Variants in TSPAN3 observed in about 807,000 individuals in gnomAD.
TSPAN3 encodes the protein tetraspanin-3.
Under a neutral mutation model 31.1 loss-of-function variants are expected in TSPAN3, and 9 were observed. The observed-to-expected ratio is 0.29, with a 90% CI of 0.17 to 0.50. TSPAN3 has a LOEUF of 0.50. Ranked by LOEUF, TSPAN3 falls within the 20% of genes least tolerant of loss-of-function variation. The probability of loss-of-function intolerance (pLI) is 0.98; values close to 1 mark genes in which losing one functional copy is unlikely to be tolerated. For synonymous variants in TSPAN3, 129 were observed against 114.3 expected (o/e 1.13, Z -0.82); for missense variants, 252 against 313.5 (o/e 0.80, Z 1.48).
chr15:77,069,071 CTTCTT>C (rs1387728220), intron 1 of TSPAN3, among the ~76,000 whole-genome samples: 2 of 152,120 alleles, frequency 1.3e-5, no homozygotes, highest in Admixed American at 6.5e-5. Context: ...AAATAGTATT[CTTCTT>C]TTCATTTGTT....
At chr15:77,054,653 TAAAAC>T (rs1294854355) in intron 3 of TSPAN3, 1 of 155,390 alleles carries the variant, frequency 6.4e-6, no homozygotes, top group East Asian at 1.9e-4. Context: ...CTAAAGGAGG[TAAAAC>T]AAAGTAACTC....
intron 1 of TSPAN3, chr15:77,063,689 A>G (rs2076813511): frequency 6.6e-6 from 1 of 152,196 alleles, no homozygotes; most frequent in Admixed American, 6.5e-5. Context: ...GTTTTTCATA[A>G]TCATTATTAA....
At chr15:77,064,877 G>C (rs777598766) in intron 1 of TSPAN3, 1 of 152,202 alleles carries the variant, frequency 6.6e-6, no homozygotes, top group Non-Finnish European at 1.5e-5. Context: ...GCAGGTTCCG[G>C]TTTAAAAGTA....
At chr15:77,063,180 C>G (rs1334367854) in intron 1 of TSPAN3, among the ~76,000 whole-genome samples, 2 of 152,190 alleles carry the variant, frequency 1.3e-5, no homozygotes, top group Non-Finnish European at 2.9e-5. Flanking sequence ...CCACTTACCA[C>G]TTTTCTCAGG....
At chr15:77,057,438 A>G (rs1295521984) in intron 1 of TSPAN3, among the ~76,000 whole-genome samples, 1 of 152,248 alleles carries the variant, frequency 6.6e-6, no homozygotes, top group African/African-American at 2.4e-5. Context: ...GAAATTCAGT[A>G]AGCTTGGGGA....
intron 3 of TSPAN3, chr15:77,055,344 G>C (rs1173277743): frequency 6.5e-6 from 1 of 153,486 alleles, no homozygotes; most frequent in Non-Finnish European, 1.5e-5. Context: ...AGGACCCCTT[G>C]TTCCTCAGGA....
intron 6 of TSPAN3, among the ~76,000 whole-genome samples, chr15:77,051,958 C>T (rs2076734379): frequency 6.6e-6 from 1 of 152,106 alleles, no homozygotes; most frequent in African/African-American, 2.4e-5. Context: ...GACAGAAAAA[C>T]AAGAACTAGA....
At chr15:77,048,921 C>T (rs189526677) in intron 6 of TSPAN3, among the ~76,000 whole-genome samples, 2 of 152,168 alleles carry the variant, frequency 1.3e-5, no homozygotes, top group Admixed American at 1.3e-4. Context: ...AGAACTTTTG[C>T]ACATTAGAAA....
At chr15:77,066,364 G>T (rs994641372) in intron 1 of TSPAN3, among the ~76,000 whole-genome samples, 3 of 152,096 alleles carry the variant, frequency 2.0e-5, no homozygotes, top group African/African-American at 4.8e-5. Flanking sequence ...GAGGTCAGGA[G>T]TTCGAGACCA....
chr15:77,071,105 C>T lies in TSPAN3; in HGVS notation c.-151G>A, dbSNP rs1426161623. The stretch of plus-strand genomic sequence containing the variant: ...CGCCGTCGCGCAGCCCCGACCCCAG[C>T]AAGTGCCTCGCTCCTCCGCGCAGCC... On this transcript the variant is annotated 5_prime_UTR_variant, in exon 1 of 7. Transcript: ENST00000267970. The T allele has an allele frequency of 1.8e-5, 8 of 432,712 alleles. 1 individual carries two copies. Among genetic ancestry groups the T allele is most frequent in the Non-Finnish European group, 2.6e-5 (7 of 271,658 alleles). The allele number at this position is 432,712 out of a possible 1,614,324, so 26.8% of individuals were successfully genotyped here.
chr15:77,071,091 A>C lies in TSPAN3; in HGVS notation c.-137T>G. 1 of 483,754 alleles carries C rather than the reference A, an allele frequency of 2.1e-6. No homozygotes were observed. Among genetic ancestry groups the C allele is most frequent in the Non-Finnish European group, 3.1e-6 (1 of 320,450 alleles). 30.0% of individuals were successfully genotyped at this position (483,754 alleles called of 1,614,324 possible). ...CCCCGCAGCCCCTGCGCCGTCGCGC[A>C]GCCCCGACCCCAGCAAGTGCCTCGC... On this transcript the variant is annotated 5_prime_UTR_variant, in exon 1 of 7. Coordinates refer to ENST00000267970, the MANE Select transcript of TSPAN3 (RefSeq NM_005724.6).
chr15:77,064,874 C>T (rs2076822348), intron 1 of TSPAN3: 2 of 152,198 alleles, frequency 1.3e-5, no homozygotes, highest in South Asian at 4.1e-4. Context: ...GATGCAGGTT[C>T]CGGTTTAAAA....
rs60483848 is a variant in TSPAN3, at chr15:77,053,451, C to CAAAAAAAAAAAAAAAAAAAAAAAA, written c.433-546_433-523dup. Among the ~76,000 whole-genome samples, 13 of 50,380 alleles carry CAAAAAAAAAAAAAAAAAAAAAAAA rather than the reference C, an allele frequency of 2.6e-4. 2 individuals are homozygous for CAAAAAAAAAAAAAAAAAAAAAAAA. The highest frequency in any genetic ancestry group is 3.3e-4 in the Non-Finnish European group (10 of 30,478). The allele number at this position is 50,380 out of a possible 152,430, so 33.1% of individuals were successfully genotyped here. The stretch of plus-strand genomic sequence containing the variant: ...CAACAAGAGTGAAATTTCGCCATCT[C>CAAAAAAAAAAAAAAAAAAAAAAAA]AAAAAAAAAAAAAAAAAAAAAAAAA... On this transcript the variant is annotated intron_variant, in intron 4 of 6. Coordinates refer to ENST00000267970, the MANE Select transcript of TSPAN3 (RefSeq NM_005724.6).
chr15:77,047,658 T>C (rs939357094), intron 6 of TSPAN3, among the ~76,000 whole-genome samples: 5 of 152,220 alleles, frequency 3.3e-5, no homozygotes, highest in Non-Finnish European at 7.3e-5. Context: ...TGGTAGCATA[T>C]TGGAATAGTA....
chr15:77,055,862 A>G lies in TSPAN3; in HGVS notation c.257T>C (p.Phe86Ser). 1.2e-6 allele frequency: 2 copies of G among 1,603,788 alleles called. 1 individual carries two copies. Among genetic ancestry groups the G allele is most frequent in the South Asian group, 2.3e-5 (2 of 88,064 alleles). ...AAAAACCAAGAGCAGGATGATGACA[A>G]ACTGTAAGAAAACATGGTTTAAAAT... ...IRESRCGLAT[F>S]VIILLLVFVT... The change falls in exon 3 of 7, where the codon TTT becomes TCT. Residue 86 changes from phenylalanine to serine, a missense_variant and splice_region_variant. Transcript: ENST00000267970.
chr15:77,057,679 C>T (rs1017432688), intron 1 of TSPAN3, among the ~76,000 whole-genome samples: 19 of 152,174 alleles, frequency 1.2e-4, no homozygotes, highest in African/African-American at 4.6e-4. Flanking sequence ...TCCTACTTCC[C>T]CAGGTGCTCA....
intron 1 of TSPAN3, chr15:77,064,623 G>A (rs1485303927): frequency 6.6e-6 from 1 of 152,230 alleles, no homozygotes; most frequent in Non-Finnish European, 1.5e-5. Flanking sequence ...CAGTGGACAG[G>A]TGACTAAGAA....
Position 77,043,415 on chromosome 15 carries a change from G to A in TSPAN3, c.*3420C>T, listed in dbSNP as rs143992905. ...ACATTTCCTCCTCCTTGGACTAGAT[G>A]ATCAAAACGAACATCCCCACTGTGG... On this transcript the variant is annotated 3_prime_UTR_variant, in exon 7 of 7. Transcript: ENST00000267970. 35 of 152,304 alleles carry A rather than the reference G, an allele frequency of 2.3e-4. No individual in the cohort carries two copies. Among genetic ancestry groups the A allele is most frequent in the Admixed American group, 1.0e-3 (16 of 15,286 alleles). 9.4% of individuals were successfully genotyped at this position (152,304 alleles called of 1,614,324 possible).
In TSPAN3 at chr15:77,054,304, C is replaced by T. The variant is rs1272783800; in HGVS notation, c.331-25G>A. On this transcript the variant is annotated intron_variant, in intron 3 of 6. Coordinates refer to ENST00000267970, the MANE Select transcript of TSPAN3 (RefSeq NM_005724.6). ...CCTGAATCAGAACAAAGAATTCAGT[C>T]CCTCAAAAATACTAGTAAAAGTAAC... 8 of 1,528,404 alleles carry T rather than the reference C, an allele frequency of 5.2e-6. No individual in the cohort carries two copies. In the East Asian group the frequency reaches 6.8e-5, roughly 13 times the overall value. 94.7% of individuals were successfully genotyped at this position (1,528,404 alleles called of 1,614,324 possible).
Sources: gnomAD v4.1 joint callset for allele counts (sites outside exome capture counted in the v4.1 genomes callset) on GRCh38, gnomAD v4.1.1 for gene constraint, MANE v1.5 for transcripts, NCBI Gene and HGNC (gene_info 2026-07-23, HGNC 2026-07-21) for gene names.